TXNDC15: variants seen among roughly 807,000 people sequenced by gnomAD.
TXNDC15 encodes the protein thioredoxin domain-containing protein 15.
A neutral mutation model predicts 35.0 loss-of-function variants in TXNDC15; 24 were observed. That is an observed-to-expected ratio of 0.68 (90% CI 0.50 to 0.96). The LOEUF is 0.96. TXNDC15 is among the 40% of genes least tolerant of loss of function. TXNDC15 has a pLI of 0.00. For missense variants in TXNDC15, 385 were observed against 453.3 expected (o/e 0.85, Z 1.37); for synonymous variants, 169 against 174.0 (o/e 0.97, Z 0.23).
intron 1 of TXNDC15, among the ~76,000 whole-genome samples, chr5:134,884,384 G>A (rs1366694610): frequency 1.3e-5 from 2 of 150,500 alleles, no homozygotes; most frequent in Non-Finnish European, 3.0e-5. Flanking sequence ...AAAAAGCTGG[G>A]ATTACAAGCA....
intron 2 of TXNDC15, among the ~76,000 whole-genome samples, chr5:134,890,369 T>C (rs1750364616): frequency 6.6e-6 from 1 of 150,826 alleles, no homozygotes; most frequent in Admixed American, 6.6e-5. Context: ...TTTCTTTTCT[T>C]TTCTCTTTTC....
chr5:134,874,527 G>T lies in TXNDC15; in HGVS notation c.100G>T (p.Glu34Ter). 1 of 1,599,372 alleles carries T rather than the reference G, an allele frequency of 6.3e-7. No individual in the cohort carries two copies. ...GCTGGGACTTCCCGTCCGCGGCGTG[G>T]AGGGTGAGTGTGGGCCGGGGGCGGT... Reference protein sequence around the residue: ...WVLGLPVRGVEVAEESGRLWS... With the variant: ...WVLGLPVRGV Residue 34 changes from glutamate to a stop codon, truncating the protein, a stop_gained, in exon 1 of 5, where the codon GAG becomes TAG. Coordinates refer to ENST00000358387, the MANE Select transcript of TXNDC15 (RefSeq NM_024715.4). LOFTEE classifies it high-confidence loss of function.
intron 1 of TXNDC15, among the ~76,000 whole-genome samples, chr5:134,876,300 G>A (rs1750032524): frequency 6.6e-6 from 1 of 152,168 alleles, no homozygotes; most frequent in Admixed American, 6.5e-5. Flanking sequence ...AGGGGAGAGT[G>A]AGGTCAGGGT....
At chr5:134,880,980 T>TGAAAAC (rs1338326209) in intron 1 of TXNDC15, among the ~76,000 whole-genome samples, 1 of 151,880 alleles carries the variant, frequency 6.6e-6, no homozygotes, top group Non-Finnish European at 1.5e-5. Context: ...GGATTTATAG[T>TGAAAAC]TTTCACCAAG....
At chr5:134,895,681 A>T (rs1561901630) in intron 3 of TXNDC15, among the ~76,000 whole-genome samples, 1 of 152,236 alleles carries the variant, frequency 6.6e-6, no homozygotes, top group East Asian at 1.9e-4. Flanking sequence ...TAATCTGCCC[A>T]GAGTTCACAT....
chr5:134,898,780 A>G (rs1375552517), intron 4 of TXNDC15, among the ~76,000 whole-genome samples: 1 of 152,186 alleles, frequency 6.6e-6, no homozygotes, highest in African/African-American at 2.4e-5. Context: ...GTAAATTATT[A>G]AAAGCATTTT....
chr5:134,900,791 CTTT>C lies in TXNDC15; in HGVS notation c.*1119_*1121del, dbSNP rs749306675. 2 of 143,452 alleles carry C rather than the reference CTTT, an allele frequency of 1.4e-5. No individual in the cohort carries two copies. Among genetic ancestry groups the C allele is most frequent in the Non-Finnish European group, 1.5e-5 (1 of 65,036 alleles). 8.9% of individuals were successfully genotyped at this position (143,452 alleles called of 1,614,324 possible). On this transcript the variant is annotated 3_prime_UTR_variant, in exon 5 of 5. Coordinates refer to ENST00000358387, the MANE Select transcript of TXNDC15 (RefSeq NM_024715.4). Reference sequence around the variant, plus strand: ...AGAGACAACATGTAATTTAAACAAACTTTTTTTTTTTTTTTAGACAAAGTCTCA... The same window carrying C: ...AGAGACAACATGTAATTTAAACAAACTTTTTTTTTTTTAGACAAAGTCTCA...
At chr5:134,879,794 CTT>C (rs57805546) in intron 1 of TXNDC15, among the ~76,000 whole-genome samples, 15 of 132,898 alleles carry the variant, frequency 1.1e-4, no homozygotes, top group Admixed American at 1.5e-4. Context: ...TCTTACCTGC[CTT>C]TTTTTTTTTT....
upstream of TXNDC15, chr5:134,874,231 A>G (rs886346444): frequency 5.4e-6 from 3 of 550,492 alleles, no homozygotes; most frequent in Non-Finnish European, 9.5e-6. Flanking sequence ...GCTCCTAAAG[A>G]GGTCTCCAGT....
chr5:134,881,170 T>TA (rs1294573083), intron 1 of TXNDC15, among the ~76,000 whole-genome samples: 2 of 106,760 alleles, frequency 1.9e-5, no homozygotes, highest in African/African-American at 8.1e-5. Flanking sequence ...GGATAGGTTC[T>TA]TTTTATTTAT....
chr5:134,883,397 A>C (rs1469003547), intron 1 of TXNDC15, among the ~76,000 whole-genome samples: 4 of 151,904 alleles, frequency 2.6e-5, no homozygotes, highest in Non-Finnish European at 5.9e-5. Context: ...ACTGCACTCC[A>C]GCCTGTGCTA....
intron 1 of TXNDC15, among the ~76,000 whole-genome samples, chr5:134,883,622 A>T: frequency 6.7e-6 from 1 of 149,176 alleles, no homozygotes; most frequent in Admixed American, 6.7e-5. Flanking sequence ...GAAAAGAAAA[A>T]GGCTAGGCCT....
chr5:134,896,589 C>T (rs1183765671), intron 4 of TXNDC15, among the ~76,000 whole-genome samples, 165 bp downstream of exon 4: 3 of 151,830 alleles, frequency 2.0e-5, no homozygotes, highest in African/African-American at 4.8e-5. Context: ...AAATACTTCC[C>T]AATCAGTATG....
At chr5:134,875,066 C>G in intron 1 of TXNDC15, 1 of 448,108 alleles carries the variant, frequency 2.2e-6, no homozygotes, top group Non-Finnish European at 4.5e-6. Context: ...CTCTCTGACG[C>G]CAAAGCCCAG....
At chr5:134,874,250 G>C, upstream of TXNDC15, 1 of 569,044 alleles carries the variant, frequency 1.8e-6, no homozygotes. Context: ...GTCCAGCGCC[G>C]ACGGCCAGCG....
Position 134,874,503 on chromosome 5 carries a change from C to G in TXNDC15, c.76C>G (p.Leu26Val). The G allele has an allele frequency of 6.2e-7, 1 of 1,603,254 alleles. No homozygotes were observed. Among genetic ancestry groups the G allele is most frequent in the Non-Finnish European group, 8.5e-7 (1 of 1,177,146 alleles). The part of the protein sequence containing the change: ...LGWWQVLLWV[L>V]GLPVRGVEVA... ...CTGGTGGCAAGTATTGCTGTGGGTG[C>G]TGGGACTTCCCGTCCGCGGCGTGGA... is the stretch of plus-strand genomic sequence containing the variant. The change falls in exon 1 of 5, where the codon CTG (leucine) becomes GTG (valine). Residue 26 changes from leucine (L) to valine (V), a missense_variant. Leu to Val is a conservative substitution (Grantham distance 32, BLOSUM62 1). Transcript: ENST00000358387.
At chr5:134,874,367 C>T (rs373843509), upstream of TXNDC15, 10 of 1,447,656 alleles carry the variant, frequency 6.9e-6, no homozygotes, top group African/African-American at 4.4e-5. Flanking sequence ...CTCCCCCAGC[C>T]TTCCTCCGGC....
upstream of TXNDC15, chr5:134,874,288 A>C: frequency 1.5e-6 from 1 of 667,752 alleles, no homozygotes; most frequent in Non-Finnish European, 2.4e-6. Context: ...CGACTCCAAG[A>C]TGGCGCCCGC....
chr5:134,887,328 G>T (rs914282924), intron 1 of TXNDC15, among the ~76,000 whole-genome samples: 2 of 152,176 alleles, frequency 1.3e-5, no homozygotes, highest in Non-Finnish European at 2.9e-5. Flanking sequence ...GGGATTACAG[G>T]TGCCTGCCAC....
Sources: allele counts gnomAD v4.1 joint callset (sites outside exome capture counted in the v4.1 genomes callset), GRCh38; gene constraint gnomAD v4.1.1; transcripts MANE v1.5; gene names NCBI Gene and HGNC (gene_info 2026-07-23, HGNC 2026-07-21).